The following SCRG1 variants were observed in gnomAD, a reference collection of about 807,000 sequenced individuals.
The protein encoded by SCRG1 is scrapie-responsive protein 1.
SCRG1 carries 3 observed loss-of-function variants against 7.7 expected under a neutral mutation model. The observed-to-expected ratio is 0.39, with a 90% CI of 0.18 to 1.01. The LOEUF (loss-of-function observed/expected upper bound fraction) is 1.01. Among genes scored for constraint, SCRG1 ranks in the 50% least tolerant of loss-of-function variants. SCRG1 has a pLI of 0.36. For missense variants in SCRG1, 110 were observed against 117.2 expected, an observed-to-expected ratio of 0.94 and a Z score of 0.28; for synonymous variants, 46 against 41.2, an observed-to-expected ratio of 1.12 and a Z score of -0.44.
At chr4:173,431,089 A>G in the SCRG1 span, among the ~76,000 whole-genome samples, 3 of 152,232 alleles carry the variant, frequency 2.0e-5, no homozygotes, top group Admixed American at 2.0e-4. Flanking sequence ...CCACCATGTG[A>G]CAAACTTGCA....
the SCRG1 span, among the ~76,000 whole-genome samples, chr4:173,506,858 G>A: frequency 6.6e-6 from 1 of 152,162 alleles, no homozygotes; most frequent in African/African-American, 2.4e-5. This position sits in a 1 kb window ranked among gnomAD's most constrained non-coding sequence, Gnocchi z 5.3. Context: ...ACCTCCATCG[G>A]TCTGGGAGCG....
the SCRG1 span, among the ~76,000 whole-genome samples, chr4:173,498,380 A>AG: frequency 6.6e-6 from 1 of 152,202 alleles, no homozygotes; most frequent in South Asian, 2.1e-4. Context: ...TGTTGGGGAT[A>AG]GGGAGGAGGT....
chr4:173,479,857 G>T, the SCRG1 span, among the ~76,000 whole-genome samples: 8 of 152,154 alleles, frequency 5.3e-5, no homozygotes, highest in African/African-American at 1.7e-4. Context: ...TAATAGTAAA[G>T]AGAATTGTGG....
chr4:173,447,321 C>G, the SCRG1 span, among the ~76,000 whole-genome samples: 1 of 152,176 alleles, frequency 6.6e-6, no homozygotes, highest in African/African-American at 2.4e-5. Context: ...TCCTAACTAT[C>G]TCCCAAAGAC....
intron 1 of SCRG1, chr4:173,404,489 A>C (rs1739850757): frequency 6.6e-6 from 1 of 152,246 alleles, no homozygotes; most frequent in African/African-American, 2.4e-5. Context: ...CAGAGTTTTT[A>C]AGTGATTATA....
chr4:173,391,353 A>C lies in SCRG1; in HGVS notation c.62T>G (p.Met21Arg). ...GTAGCAAGAGAGGCGATTTGCAGGC[A>C]TGGCTTGAACTCCTAGCAGCAAAGT... ...GLTLLLGVQAMPANRLSCYRK... is the reference protein window; with the variant it reads ...GLTLLLGVQARPANRLSCYRK... The change falls in exon 2 of 3, where the codon ATG becomes AGG. Residue 21 changes from methionine to arginine, a missense_variant. Met to Arg is a moderately conservative substitution (Grantham distance 91). Transcript: ENST00000296506. The C allele has an allele frequency of 6.2e-7, 1 of 1,614,222 alleles. No individual in the cohort carries two copies. The highest frequency in any genetic ancestry group is 8.5e-7 in the Non-Finnish European group (1 of 1,180,036).
chr4:173,513,012 T>C, the SCRG1 span, among the ~76,000 whole-genome samples: 1 of 152,146 alleles, frequency 6.6e-6, no homozygotes, highest in East Asian at 1.9e-4. Context: ...ATCCCCCACC[T>C]CCTTCCATTA....
the SCRG1 span, among the ~76,000 whole-genome samples, chr4:173,489,746 G>A: frequency 6.6e-6 from 1 of 152,138 alleles, no homozygotes; most frequent in Non-Finnish European, 1.5e-5. Context: ...AAACCATGCT[G>A]TTTGCTTAAG....
the SCRG1 span, among the ~76,000 whole-genome samples, chr4:173,498,812 A>G: frequency 8.5e-5 from 13 of 152,240 alleles, no homozygotes; most frequent in Non-Finnish European, 1.6e-4. Flanking sequence ...AAATAAATAT[A>G]GAGAAACTGA....
chr4:173,412,493 G>A, the SCRG1 span, among the ~76,000 whole-genome samples: 3 of 152,032 alleles, frequency 2.0e-5, no homozygotes, highest in East Asian at 1.9e-4. Context: ...TCTTAACATC[G>A]CTCAGGTGAT....
In SCRG1 at chr4:173,390,248, G is replaced by A. The variant is rs74960504; in HGVS notation, c.242+925C>T. 3.4e-3 allele frequency among the ~76,000 whole-genome samples: 516 copies of A among 152,016 alleles called. 2 individuals carry two copies. Among genetic ancestry groups the A allele is most frequent in the African/African-American group, 0.012 (482 of 41,454 alleles). Reference sequence around the variant, plus strand: ...TTTTGTAGAGACAGAGTTTCACCACGTATACTTGTATTTTAAGTACAAAAC... The same window carrying A: ...TTTTGTAGAGACAGAGTTTCACCACATATACTTGTATTTTAAGTACAAAAC... On this transcript the variant is annotated intron_variant, in intron 2 of 2. Coordinates refer to ENST00000296506, the MANE Select transcript of SCRG1 (RefSeq NM_007281.4).
At chr4:173,406,228 T>G (rs1030482066) in intron 1 of SCRG1, 7 of 152,242 alleles carry the variant, frequency 4.6e-5, no homozygotes. Flanking sequence ...CCAGTATACA[T>G]GTATAGCAGC....
At chr4:173,455,438 G>A in the SCRG1 span, among the ~76,000 whole-genome samples, 11 of 152,222 alleles carry the variant, frequency 7.2e-5, 1 homozygote, top group Admixed American at 1.3e-4. Flanking sequence ...AAGGGGCATC[G>A]CAGTTGGTAG....
At chr4:173,501,759 C>G in the SCRG1 span, among the ~76,000 whole-genome samples, 1 of 152,100 alleles carries the variant, frequency 6.6e-6, no homozygotes, top group Non-Finnish European at 1.5e-5. This position sits in a 1 kb window ranked among gnomAD's most constrained non-coding sequence, Gnocchi z 5.1. Context: ...TGTTTGGGCG[C>G]TAGGTTGAAG....
chr4:173,462,022 G>T, the SCRG1 span, among the ~76,000 whole-genome samples: 1 of 152,048 alleles, frequency 6.6e-6, no homozygotes, highest in Non-Finnish European at 1.5e-5. Context: ...GGAGAAAAAA[G>T]ATCCTGCAGG....
chr4:173,510,044 C>T, the SCRG1 span, among the ~76,000 whole-genome samples: 296 of 152,314 alleles, frequency 1.9e-3, 5 homozygotes, highest in East Asian at 0.037. This position sits in a 1 kb window ranked among gnomAD's most constrained non-coding sequence, Gnocchi z 5.7. Flanking sequence ...GGGAGAATTA[C>T]AAATAGGATT....
the SCRG1 span, among the ~76,000 whole-genome samples, chr4:173,489,902 T>G: frequency 6.6e-6 from 1 of 152,216 alleles, no homozygotes; most frequent in Non-Finnish European, 1.5e-5. Flanking sequence ...TCTCTTTTTA[T>G]TCCATCTACT....
At chr4:173,475,100 T>C in the SCRG1 span, among the ~76,000 whole-genome samples, 1 of 152,112 alleles carries the variant, frequency 6.6e-6, no homozygotes. Flanking sequence ...AATTAAACTA[T>C]ATCATCTTCT....
chr4:173,405,982 G>A (rs1209045038), intron 1 of SCRG1, among the ~76,000 whole-genome samples: 1 of 152,202 alleles, frequency 6.6e-6, no homozygotes, highest in Non-Finnish European at 1.5e-5. Context: ...TCAGCTGACA[G>A]AGCAAGGAAA....
Sources: allele counts gnomAD v4.1 joint callset (sites outside exome capture counted in the v4.1 genomes callset), GRCh38; gene constraint gnomAD v4.1.1; non-coding constraint Gnocchi (gnomAD v3.1); transcripts MANE v1.5; gene names NCBI Gene and HGNC (gene_info 2026-07-23, HGNC 2026-07-21).